Variants in TRAPPC2 observed in about 807,000 individuals in gnomAD.
The protein encoded by TRAPPC2 is trafficking protein particle complex subunit 2.
TRAPPC2 carries 4 observed loss-of-function variants against 10.0 expected under a neutral mutation model. The ratio of observed to expected loss-of-function variants is 0.40; its 90% CI spans 0.20 to 0.92. The LOEUF is 0.92. Ranked by LOEUF, TRAPPC2 falls within the 40% of genes least tolerant of loss-of-function variation. The pLI, the probability that TRAPPC2 is intolerant of heterozygous loss-of-function variation, is 0.35. For synonymous variants in TRAPPC2, 36 were observed against 37.3 expected, an observed-to-expected ratio of 0.97 and a Z score of 0.12; for missense variants, 52 against 108.7, an observed-to-expected ratio of 0.48 and a Z score of 2.32.
chrX:13,732,880 G>A (rs1403345370), intron 2 of TRAPPC2, among the ~76,000 whole-genome samples: 3 of 112,833 alleles, frequency 2.7e-5, no homozygotes, highest in African/African-American at 9.7e-5. Context: ...CTGTGCTCGC[G>A]AGAGCAGTGA....
chrX:13,733,975 T>C, intron 2 of TRAPPC2, 69 bp downstream of exon 2: 2 of 511,459 alleles, frequency 3.9e-6, no homozygotes, highest in South Asian at 5.0e-5. Context: ...AACATTTTCA[T>C]TATCGCTTCT....
chrX:13,731,441 G>C lies in TRAPPC2; in HGVS notation c.-20+2603C>G, dbSNP rs773852074. The stretch of plus-strand genomic sequence containing the variant: ...TATACTCCTGGTTGTACTAGAACAA[G>C]TCATACCAAATTTACATTTTTTGTT... On this transcript the variant is annotated intron_variant, in intron 2 of 5. Coordinates refer to ENST00000380579, the MANE Select transcript of TRAPPC2 (RefSeq NM_001011658.4). Among the ~76,000 whole-genome samples, 6 of 112,386 alleles carry C rather than the reference G, an allele frequency of 5.3e-5. No individual in the cohort carries two copies. In the East Asian group the frequency reaches 1.7e-3, roughly 31 times the overall value.
intron 2 of TRAPPC2, chrX:13,722,201 G>GCAA (rs2046423621): frequency 8.5e-5 from 2 of 23,571 alleles, no homozygotes; most frequent in African/African-American, 2.2e-4. Context: ...GTACATTTAA[G>GCAA]CAGCAGCAAA....
intron 2 of TRAPPC2, among the ~76,000 whole-genome samples, chrX:13,725,157 C>T (rs1182077828): frequency 8.8e-6 from 1 of 113,154 alleles, no homozygotes; most frequent in African/African-American, 3.2e-5. Context: ...TAGACTCCAC[C>T]TCTCTGGGCA....
At chrX:13,717,034 T>TA (rs1175025577) in intron 3 of TRAPPC2, among the ~76,000 whole-genome samples, 720 of 37,934 alleles carry the variant, frequency 0.019, 57 homozygotes, top group Non-Finnish European at 0.02. Context: ...GATACTATGT[T>TA]AAAAAAAAAA....
rs1327967450 is a variant in TRAPPC2, at chrX:13,712,855, A to T, written c.*1552T>A. On this transcript the variant is annotated 3_prime_UTR_variant, in exon 6 of 6. Coordinates refer to ENST00000380579, the MANE Select transcript of TRAPPC2 (RefSeq NM_001011658.4). ...AATGCATAATGTCAACGTATGTGCT[A>T]TCACATTTCACTCCCAACTGCAGAA... 8.9e-6 allele frequency: 1 copy of T among 112,283 alleles called. No individual in the cohort carries two copies. Among genetic ancestry groups the T allele is most frequent in the Non-Finnish European group, 1.9e-5 (1 of 53,290 alleles). 9.3% of individuals were successfully genotyped at this position (112,283 alleles called of 1,213,427 possible).
chrX:13,725,987 T>C (rs943129543), intron 2 of TRAPPC2, among the ~76,000 whole-genome samples: 5 of 111,583 alleles, frequency 4.5e-5, no homozygotes, highest in African/African-American at 1.3e-4. Flanking sequence ...ACTGATTTGA[T>C]CAAGTAGAAG....
At chrX:13,719,338 T>TG (rs1272430469) in intron 3 of TRAPPC2, among the ~76,000 whole-genome samples, 1 of 110,210 alleles carries the variant, frequency 9.1e-6, no homozygotes, top group African/African-American at 3.3e-5. Flanking sequence ...GCAAGTTGGG[T>TG]GGTATCACCT....
intron 5 of TRAPPC2, 65 bp downstream of exon 5, chrX:13,715,939 C>T (rs753103064): frequency 1.8e-6 from 2 of 1,118,463 alleles, no homozygotes; most frequent in African/African-American, 3.7e-5. Flanking sequence ...CTTCAATAGG[C>T]CAGTTTCCTG....
rs761052186 is a variant in TRAPPC2, at chrX:13,716,095, A to G, written c.239-6T>C. 2 of 1,184,243 alleles carry G rather than the reference A, an allele frequency of 1.7e-6. No individual in the cohort carries two copies. The highest frequency in any genetic ancestry group is 2.3e-6 in the Non-Finnish European group (2 of 878,501). ...AAGCATAATAAACCTCATATGTGAA[A>G]TAATTAAGGCATAATCTTTCTTAGA... On this transcript the variant is annotated splice_region_variant and splice_polypyrimidine_tract_variant and intron_variant, in intron 4 of 5. Coordinates refer to ENST00000380579, the MANE Select transcript of TRAPPC2 (RefSeq NM_001011658.4).
At chrX:13,733,937 C>A (rs2046742786) in intron 2 of TRAPPC2, 107 bp downstream of exon 2, 2 of 499,117 alleles carry the variant, frequency 4.0e-6, no homozygotes, top group African/African-American at 4.7e-5. Context: ...TACAATGTAT[C>A]TTAGTTCTTG....
At chrX:13,721,960 G>T (rs1031815896) in intron 2 of TRAPPC2, 4 of 109,807 alleles carry the variant, frequency 3.6e-5, no homozygotes, top group African/African-American at 1.3e-4. Flanking sequence ...GTTTGCCCCT[G>T]TTTTAGGGGA....
chrX:13,716,800 C>CTTCG (rs1569075281), intron 3 of TRAPPC2, 122 bp from the exon 4 acceptor site: 1 of 702,259 alleles, frequency 1.4e-6, no homozygotes, highest in Non-Finnish European at 2.1e-6. Flanking sequence ...TGCTTTTATA[C>CTTCG]TTTGTTATTG....
At position 13,727,915 on chromosome X, in the gene TRAPPC2, GATATCACCAC is replaced by G. The variant is rs747676102; in HGVS notation, c.-20+6119_-20+6128del. Among the ~76,000 whole-genome samples, 205 of 111,455 alleles carry G rather than the reference GATATCACCAC, an allele frequency of 1.8e-3. 1 individual carries two copies. The highest frequency in any genetic ancestry group is 6.0e-3 in the African/African-American group (184 of 30,653). On this transcript the variant is annotated intron_variant, in intron 2 of 5. Transcript: ENST00000380579. ...AGATGCAATAAAAAATGATAAAGGGGATATCACCACCGATCCCACAGAAATACAAACTACC... is the reference window on the plus strand; with the variant it reads ...AGATGCAATAAAAAATGATAAAGGGGCGATCCCACAGAAATACAAACTACC...
At position 13,714,183 on chromosome X, in the gene TRAPPC2, C is replaced by A; in HGVS notation, c.*224G>T. ...AAAAAACATGATTATTGATAATGAA[C>A]TCTTTATAAATAACACTGTTCACAA... On this transcript the variant is annotated 3_prime_UTR_variant, in exon 6 of 6. Coordinates refer to ENST00000380579, the MANE Select transcript of TRAPPC2 (RefSeq NM_001011658.4). 9.0e-5 allele frequency: 17 copies of A among 188,193 alleles called. No homozygotes were observed. Among genetic ancestry groups the A allele is most frequent in the Non-Finnish European group, 1.3e-4 (13 of 101,600 alleles). The allele number at this position is 188,193 out of a possible 1,213,427, so 15.5% of individuals were successfully genotyped here.
At chrX:13,729,273 A>C (rs1360652937) in intron 2 of TRAPPC2, among the ~76,000 whole-genome samples, 2 of 112,129 alleles carry the variant, frequency 1.8e-5, no homozygotes, top group Non-Finnish European at 3.8e-5. Context: ...GGAACCAAAA[A>C]AGAGCCCACA....
intron 2 of TRAPPC2, among the ~76,000 whole-genome samples, chrX:13,731,604 C>T (rs1267471519): frequency 1.8e-5 from 2 of 111,744 alleles, no homozygotes; most frequent in East Asian, 2.8e-4. Flanking sequence ...AGAGCAGATA[C>T]ACCATTCGTC....
chrX:13,724,162 A>C, intron 2 of TRAPPC2, among the ~76,000 whole-genome samples: 1 of 111,181 alleles, frequency 9.0e-6, no homozygotes, highest in Non-Finnish European at 1.9e-5. Flanking sequence ...CTTGTGGTGG[A>C]AACAGCAGCT....
Position 13,717,595 on chromosome X carries a change from C to T in TRAPPC2, c.94-917G>A, listed in dbSNP as rs377611283. Among the ~76,000 whole-genome samples the T allele has an allele frequency of 6.2e-4, 68 of 110,112 alleles. No individual in the cohort carries two copies. In the East Asian group the frequency reaches 0.016, roughly 25 times the overall value. ...CATCTCTACTAATACAAAAATTGGC[C>T]GGCTGTGGTGGTGCATGCCTGTAAT... On this transcript the variant is annotated intron_variant, in intron 3 of 5. Coordinates refer to ENST00000380579, the MANE Select transcript of TRAPPC2 (RefSeq NM_001011658.4).
Sources: allele counts gnomAD v4.1 joint callset (sites outside exome capture counted in the v4.1 genomes callset), GRCh38; gene constraint gnomAD v4.1.1; transcripts MANE v1.5; gene names NCBI Gene and HGNC (gene_info 2026-07-23, HGNC 2026-07-21).